Variants in LMNTD1 observed in about 807,000 individuals in gnomAD.
LMNTD1 encodes the protein lamin tail domain-containing protein 1.
Under a neutral mutation model 50.9 loss-of-function variants are expected in LMNTD1, and 35 were observed. That is an observed-to-expected ratio of 0.69 (90% CI 0.53 to 0.91). The LOEUF (loss-of-function observed/expected upper bound fraction) is 0.91, where lower values mean the gene tolerates loss of function less well. LMNTD1 is among the 40% of genes least tolerant of loss of function. The pLI, the probability that LMNTD1 is intolerant of heterozygous loss-of-function variation, is 0.00. For missense variants in LMNTD1, 470 were observed against 475.5 expected (o/e 0.99, Z 0.11); for synonymous variants, 153 against 161.9 (o/e 0.94, Z 0.42).
chr12:25,538,042 G>T (rs1014517450), intron 4 of LMNTD1, among the ~76,000 whole-genome samples: 1 of 146,600 alleles, frequency 6.8e-6, no homozygotes, highest in Admixed American at 7.0e-5. Context: ...AAAAAGAAAC[G>T]AGCAAAGCCT....
Position 25,586,449 on chromosome 12 carries a change from A to G in LMNTD1, c.59-39895T>C, listed in dbSNP as rs1198309305. On this transcript the variant is annotated intron_variant, in intron 1 of 7. Coordinates refer to the LMNTD1 transcript ENST00000445693. ...TTTTTATTGGTCTTCCTCACTTCCA[A>G]TGTCTTATTTCTTAGTAGCAAAAAC... is the stretch of plus-strand genomic sequence containing the variant. 2.0e-5 allele frequency among the ~76,000 whole-genome samples: 3 copies of G among 152,118 alleles called. No homozygotes were observed. In the East Asian group the frequency reaches 5.8e-4, roughly 29 times the overall value.
chr12:25,554,324 G>A (rs1223538838), upstream of LMNTD1, among the ~76,000 whole-genome samples: 11 of 152,120 alleles, frequency 7.2e-5, no homozygotes, highest in African/African-American at 1.2e-4. Context: ...GCATAAAGTC[G>A]TTATGACCTC....
intron 4 of LMNTD1, among the ~76,000 whole-genome samples, chr12:25,533,361 A>C (rs184608095): frequency 3.3e-5 from 5 of 152,320 alleles, no homozygotes; most frequent in African/African-American, 1.2e-4. Flanking sequence ...TAGCCTTTGC[A>C]CAGTCTCTAT....
intron 6 of LMNTD1, among the ~76,000 whole-genome samples, chr12:25,523,836 AG>A (rs1222509683): frequency 6.7e-6 from 1 of 149,504 alleles, no homozygotes; most frequent in African/African-American, 2.5e-5. Flanking sequence ...AAAAAAAAAA[AG>A]CTTGAGCTGA....
At chr12:25,575,001 G>A (rs1480448253) in intron 1 of LMNTD1, among the ~76,000 whole-genome samples, 1 of 152,146 alleles carries the variant, frequency 6.6e-6, no homozygotes, top group Non-Finnish European at 1.5e-5. Flanking sequence ...TAAAAGACAG[G>A]CAAAGACCTG....
chr12:25,486,689 AATTT>A (rs1938655743), intron 9 of LMNTD1, among the ~76,000 whole-genome samples: 2 of 149,896 alleles, frequency 1.3e-5, no homozygotes, highest in Non-Finnish European at 3.0e-5. Context: ...ATCAATACCT[AATTT>A]ATTGAGAGTT....
chr12:25,524,960 A>G (rs986658714), intron 6 of LMNTD1, among the ~76,000 whole-genome samples: 1 of 152,208 alleles, frequency 6.6e-6, no homozygotes, highest in African/African-American at 2.4e-5. Context: ...AGCCAAGTCT[A>G]TTTTAAAGGG....
chr12:25,633,257 A>G (rs1024179848), intron 1 of LMNTD1, among the ~76,000 whole-genome samples: 2 of 152,154 alleles, frequency 1.3e-5, no homozygotes, highest in Non-Finnish European at 2.9e-5. Context: ...TGACAGCACT[A>G]GATAGATCAT....
At chr12:25,646,346 T>G (rs982709475) in intron 1 of LMNTD1, among the ~76,000 whole-genome samples, 3 of 152,064 alleles carry the variant, frequency 2.0e-5, no homozygotes, top group Non-Finnish European at 1.5e-5. Context: ...CTCCCATCAC[T>G]CTGGCCCTCA....
At chr12:25,587,508 AACTCACTCACTCTTGTGAGG>A (rs1031597117) in intron 1 of LMNTD1, among the ~76,000 whole-genome samples, 7 of 152,164 alleles carry the variant, frequency 4.6e-5, no homozygotes, top group African/African-American at 1.7e-4. Flanking sequence ...ATCTTGTGAG[AACTCACTCACTCTTGTGAGG>A]ACTCACTCAA....
intron 1 of LMNTD1, among the ~76,000 whole-genome samples, chr12:25,565,089 C>T (rs766790266): frequency 3.9e-4 from 60 of 152,186 alleles, no homozygotes; most frequent in South Asian, 2.3e-3. Flanking sequence ...ATATCTTTTT[C>T]CATCCCTTTA....
chr12:25,591,584 A>G (rs755486648), intron 1 of LMNTD1, among the ~76,000 whole-genome samples: 3 of 152,158 alleles, frequency 2.0e-5, no homozygotes, highest in Non-Finnish European at 4.4e-5. Flanking sequence ...GCCTGGGGGA[A>G]CTTGTCACCC....
intron 9 of LMNTD1, among the ~76,000 whole-genome samples, chr12:25,497,985 T>C (rs1939162419): frequency 6.6e-6 from 1 of 152,118 alleles, no homozygotes; most frequent in Admixed American, 6.5e-5. Context: ...AAATTCTCAC[T>C]TCTCTCCTTC....
chr12:25,576,246 G>T (rs1407338601), intron 1 of LMNTD1, among the ~76,000 whole-genome samples: 1 of 152,180 alleles, frequency 6.6e-6, no homozygotes, highest in Non-Finnish European at 1.5e-5. Flanking sequence ...TCTAGTTCTA[G>T]ATCCTTGAGG....
rs550023058 is a variant in LMNTD1 at position 25,601,215 on chromosome 12, A to AT, written c.58+47278dup. On this transcript the variant is annotated intron_variant, in intron 1 of 7. Transcript: ENST00000445693. ...CCAAGCATAGAAAGACAAATATTGC[A>AT]TGTTCTCACTTATTTGTGAGATCTA... Among the ~76,000 whole-genome samples, 335 of 152,182 alleles carry AT rather than the reference A, an allele frequency of 2.2e-3. 1 individual carries two copies. The highest frequency in any genetic ancestry group is 4.1e-3 in the Non-Finnish European group (282 of 67,962).
intron 1 of LMNTD1, among the ~76,000 whole-genome samples, chr12:25,603,948 G>T (rs955670840): frequency 2.6e-4 from 38 of 149,010 alleles, no homozygotes; most frequent in Non-Finnish European, 2.1e-4. Flanking sequence ...ACGAATATTG[G>T]GGGGGAAGGC....
At chr12:25,587,935 G>A (rs1945591037) in intron 1 of LMNTD1, among the ~76,000 whole-genome samples, 1 of 151,882 alleles carries the variant, frequency 6.6e-6, no homozygotes, top group Admixed American at 6.6e-5. Flanking sequence ...AACATCCTTG[G>A]GCCCTAATTA....
In LMNTD1 at chr12:25,632,975, A is replaced by G. The variant is rs1256062360; in HGVS notation, c.58+15519T>C. ...TAAACTTAAAGTAAAAGGGTGGAAA[A>G]AGGCATTTCACGCAAATAGACACCA... On this transcript the variant is annotated intron_variant, in intron 1 of 7. Coordinates refer to the LMNTD1 transcript ENST00000445693. Among the ~76,000 whole-genome samples, 5 of 152,138 alleles carry G rather than the reference A, an allele frequency of 3.3e-5. No homozygotes were observed. The East Asian group carries it at 7.7e-4, about 23-fold the overall frequency.
intron 1 of LMNTD1, among the ~76,000 whole-genome samples, chr12:25,558,861 G>A (rs920226105): frequency 1.3e-5 from 2 of 152,212 alleles, no homozygotes; most frequent in East Asian, 1.9e-4. Flanking sequence ...CCCATGACAC[G>A]TGGGGGTTAC....
Sources: gnomAD v4.1 joint callset for allele counts (sites outside exome capture counted in the v4.1 genomes callset) on GRCh38, gnomAD v4.1.1 for gene constraint, MANE v1.5 for transcripts, NCBI Gene and HGNC (gene_info 2026-07-23, HGNC 2026-07-21) for gene names.